SLC6A15: variants seen among roughly 807,000 people sequenced by gnomAD.
SLC6A15 encodes sodium-dependent neutral amino acid transporter B(0)AT2.
SLC6A15 carries 33 observed loss-of-function variants against 68.5 expected under a neutral mutation model. The ratio of observed to expected loss-of-function variants is 0.48; its 90% CI spans 0.37 to 0.64. The LOEUF is 0.64. SLC6A15 is among the 30% of genes least tolerant of loss of function. SLC6A15 has a pLI of 0.00. For synonymous variants in SLC6A15, 347 were observed against 301.0 expected (o/e 1.15, Z -1.58); for missense variants, 747 against 874.3 (o/e 0.85, Z 1.84).
rs1448540319 is a variant in SLC6A15 at position 84,891,724 on chromosome 12, ATGAAAT to A, written c.289+102_289+107del. On this transcript the variant is annotated intron_variant, in intron 2 of 11. Coordinates refer to ENST00000266682, the MANE Select transcript of SLC6A15 (RefSeq NM_182767.6). ...AGAAGTGGGTTTCTCTAGCTTTACA[ATGAAAT>A]TGAAAGTTTCAAAAATAATGAGAAA... The A allele has an allele frequency of 4.2e-6, 5 of 1,182,852 alleles. No individual in the cohort carries two copies. In the African/African-American group the frequency reaches 7.7e-5, roughly 18 times the overall value. The allele number at this position is 1,182,852 out of a possible 1,614,324, so 73.3% of individuals were successfully genotyped here. A position where few individuals can be genotyped will look rare whatever the true frequency, so the allele number is the denominator to read the frequency against.
At chr12:84,905,318 C>A (rs886503051) in intron 1 of SLC6A15, among the ~76,000 whole-genome samples, 5 of 152,126 alleles carry the variant, frequency 3.3e-5, no homozygotes, top group African/African-American at 1.2e-4. Flanking sequence ...AATCACATGA[C>A]TATATCTACT....
Position 84,861,802 on chromosome 12 carries a change from T to A in SLC6A15, c.2023A>T (p.Ser675Cys), listed in dbSNP as rs1870862624. The change falls in exon 12 of 12, where the codon AGC (serine) becomes TGC (cysteine). Residue 675 changes from serine to cysteine, a missense_variant. Coordinates refer to ENST00000266682, the MANE Select transcript of SLC6A15 (RefSeq NM_182767.6). ...CTCGGTATTTTTCCGTGAATGAGGC[T>A]TGTATCATCGCCCTCTAAGTTCACA... ...EPVNLEGDDT[S>C]LIHGKIPSEM... is the part of the protein sequence containing the mutation. 6.2e-7 allele frequency: 1 copy of A among 1,614,050 alleles called. No homozygotes were observed. The highest frequency in any genetic ancestry group is 8.5e-7 in the Non-Finnish European group (1 of 1,179,970).
intron 1 of SLC6A15, among the ~76,000 whole-genome samples, chr12:84,904,224 G>GGGGAGAGAGAGAGAGAGAGAGA (rs1555183253): frequency 1.6e-5 from 2 of 121,996 alleles, no homozygotes; most frequent in African/African-American, 7.2e-5. Context: ...GGGCGGAGGG[G>GGGGAGAGAGAGAGAGAGAGAGA]GAGAGAGAGA....
chr12:84,897,408 G>A (rs1371798714), intron 1 of SLC6A15, among the ~76,000 whole-genome samples: 1 of 151,894 alleles, frequency 6.6e-6, no homozygotes, highest in African/African-American at 2.4e-5. Context: ...ACTTCTAATT[G>A]GTATAGCCAA....
intron 5 of SLC6A15, among the ~76,000 whole-genome samples, chr12:84,879,764 T>G (rs1871734129): frequency 6.8e-6 from 1 of 147,502 alleles, no homozygotes; most frequent in Non-Finnish European, 1.5e-5. Flanking sequence ...GGAATTTAAG[T>G]TTTTCTTCTT....
At chr12:84,891,587 A>G (rs1872393538) in intron 2 of SLC6A15, among the ~76,000 whole-genome samples, 1 of 152,170 alleles carries the variant, frequency 6.6e-6, no homozygotes, top group Non-Finnish European at 1.5e-5. Flanking sequence ...AAGCTTCCGG[A>G]GAAAGAAGTT....
At chr12:84,874,986 T>C (rs1871453236) in intron 6 of SLC6A15, among the ~76,000 whole-genome samples, 1 of 152,220 alleles carries the variant, frequency 6.6e-6, no homozygotes, top group African/African-American at 2.4e-5. Context: ...ATTTTAATAG[T>C]GATCCCTAGT....
intron 5 of SLC6A15, chr12:84,881,062 T>G (rs1871799826): frequency 6.1e-6 from 1 of 163,034 alleles, no homozygotes; most frequent in African/African-American, 2.4e-5. Flanking sequence ...AGATAATGTA[T>G]GCATAGTATT....
At chr12:84,895,389 C>G (rs4466885) in intron 1 of SLC6A15, among the ~76,000 whole-genome samples, 136,097 of 136,122 alleles carry the variant, frequency 1, 68,036 homozygotes, top group Middle Eastern at 1. Flanking sequence ...TCACTCTGTC[C>G]CCCAGGCTGG....
rs1230214195 is a variant in SLC6A15, at chr12:84,860,692, A to C, written c.*940T>G. 6.6e-6 allele frequency: 1 copy of C among 152,152 alleles called. No individual in the cohort carries two copies. Among genetic ancestry groups the C allele is most frequent in the Non-Finnish European group, 1.5e-5 (1 of 67,992 alleles). The allele number at this position is 152,152 out of a possible 1,614,324, so 9.4% of individuals were successfully genotyped here. A position where few individuals can be genotyped will look rare whatever the true frequency, so the allele number is the denominator to read the frequency against. Reference sequence around the variant, plus strand: ...TTATTTGTAGATTAAAATGTAATGCATTACAATTTTAACAATCACTTAAAA... The same window carrying C: ...TTATTTGTAGATTAAAATGTAATGCCTTACAATTTTAACAATCACTTAAAA... On this transcript the variant is annotated 3_prime_UTR_variant, in exon 12 of 12. Transcript: ENST00000266682.
intron 11 of SLC6A15, 123 bp from the exon 12 acceptor site, chr12:84,862,129 A>G: frequency 1.0e-6 from 1 of 970,316 alleles, no homozygotes; most frequent in Non-Finnish European, 1.5e-6. Flanking sequence ...TGCTTTGACC[A>G]ATAGAAAGCA....
In SLC6A15 at chr12:84,867,883, A is replaced by C. The variant is rs566001194; in HGVS notation, c.1496-690T>G. On this transcript the variant is annotated intron_variant, in intron 9 of 11. Coordinates refer to ENST00000266682, the MANE Select transcript of SLC6A15 (RefSeq NM_182767.6). ...GTAATAGCTAAGAAACAGATGCATA[A>C]ATTTCTGACCAGCTACTACTTAGAA... is the stretch of plus-strand genomic sequence containing the variant. 3 of 152,318 alleles carry C rather than the reference A, an allele frequency of 2.0e-5. No individual in the cohort carries two copies. In the South Asian group the frequency reaches 6.2e-4, roughly 32 times the overall value. 9.4% of individuals were successfully genotyped at this position (152,318 alleles called of 1,614,324 possible).
chr12:84,885,410 A>T (rs763937260), intron 4 of SLC6A15, 25 bp downstream of exon 4: 1 of 1,568,760 alleles, frequency 6.4e-7, no homozygotes. Flanking sequence ...TTAAATACCA[A>T]AACACTGTAT....
At chr12:84,902,924 T>C (rs938868219) in intron 1 of SLC6A15, among the ~76,000 whole-genome samples, 3 of 152,010 alleles carry the variant, frequency 2.0e-5, no homozygotes, top group African/African-American at 7.2e-5. Flanking sequence ...ACTATCTTCA[T>C]TGTGGTAAGG....
At position 84,859,974 on chromosome 12, in the gene SLC6A15, T is replaced by C. The variant is rs1870777051; in HGVS notation, c.*1658A>G. ...GGATGAGAACTTACTTCACACTGAA[T>C]TGTCATAATTTTTTAGTTTTGTATA... On this transcript the variant is annotated 3_prime_UTR_variant, in exon 12 of 12. Coordinates refer to ENST00000266682, the MANE Select transcript of SLC6A15 (RefSeq NM_182767.6). 6.6e-6 allele frequency: 1 copy of C among 152,074 alleles called. No homozygotes were observed. The highest frequency in any genetic ancestry group is 6.6e-5 in the Admixed American group (1 of 15,252). 9.4% of individuals were successfully genotyped at this position (152,074 alleles called of 1,614,324 possible).
intron 2 of SLC6A15, among the ~76,000 whole-genome samples, chr12:84,888,360 C>A (rs111757212): frequency 0.018 from 2,780 of 151,914 alleles, 74 homozygotes; most frequent in African/African-American, 0.061. Context: ...GTGGAACCAG[C>A]CTAAGTGCCC....
In SLC6A15 at chr12:84,879,483, G is replaced by A. The variant is rs1312038287; in HGVS notation, c.757-2876C>T. Reference sequence around the variant, plus strand: ...TGGGATTACAGGCACCTGCCACCATGCCCGGACAATTTTTTGTATTTTAGT... The same window carrying A: ...TGGGATTACAGGCACCTGCCACCATACCCGGACAATTTTTTGTATTTTAGT... On this transcript the variant is annotated intron_variant, in intron 5 of 11. Coordinates refer to ENST00000266682, the MANE Select transcript of SLC6A15 (RefSeq NM_182767.6). 2.0e-5 allele frequency among the ~76,000 whole-genome samples: 3 copies of A among 151,556 alleles called. 1 individual carries two copies. Among genetic ancestry groups the A allele is most frequent in the Non-Finnish European group, 4.4e-5 (3 of 67,754 alleles).
chr12:84,882,721 AC>A (rs200280167), intron 5 of SLC6A15: 2,452 of 169,844 alleles, frequency 0.014, 73 homozygotes, highest in African/African-American at 0.054. Flanking sequence ...AATTCCTCAA[AC>A]CTGTTTATTT....
At chr12:84,900,278 G>T (rs1019418834) in intron 1 of SLC6A15, among the ~76,000 whole-genome samples, 4 of 151,862 alleles carry the variant, frequency 2.6e-5, no homozygotes, top group Admixed American at 1.3e-4. Flanking sequence ...ATTATATTTT[G>T]CTAGTATATG....
Sources: allele counts gnomAD v4.1 joint callset (sites outside exome capture counted in the v4.1 genomes callset), GRCh38; gene constraint gnomAD v4.1.1; transcripts MANE v1.5; gene names NCBI Gene and HGNC (gene_info 2026-07-23, HGNC 2026-07-21).